Variants in HEMK2 observed in about 807,000 individuals in gnomAD.
HEMK2 encodes HemK methyltransferase 2, ETF1 glutamine and histone H4 lysine, also known as methyltransferase HEMK2.
the HEMK2 span, chr21:28,883,010 T>TA: frequency 6.2e-7 from 1 of 1,606,006 alleles, no homozygotes; most frequent in Non-Finnish European, 8.5e-7. Flanking sequence ...GGGCCTATCA[T>TA]AGAGGCTAGG....
the HEMK2 span, among the ~76,000 whole-genome samples, chr21:28,765,949 A>G: frequency 6.6e-6 from 1 of 152,132 alleles, no homozygotes; most frequent in Non-Finnish European, 1.5e-5. Flanking sequence ...TAATTCACAT[A>G]TACACCATGG....
the HEMK2 span, among the ~76,000 whole-genome samples, chr21:28,763,216 T>C: frequency 6.6e-6 from 1 of 152,140 alleles, no homozygotes. Context: ...TATAAAGAAA[T>C]ACCTGAGGCT....
At chr21:28,666,511 G>A in the HEMK2 span, among the ~76,000 whole-genome samples, 1 of 152,110 alleles carries the variant, frequency 6.6e-6, no homozygotes, top group South Asian at 2.1e-4. Context: ...AATAGACTTA[G>A]CACTTTCAGA....
the HEMK2 span, among the ~76,000 whole-genome samples, chr21:28,864,883 T>G: frequency 2.5e-4 from 35 of 142,314 alleles, no homozygotes; most frequent in African/African-American, 7.0e-4. Flanking sequence ...GATAGGTAGA[T>G]ATAGATGATA....
the HEMK2 span, among the ~76,000 whole-genome samples, chr21:28,879,267 G>T: frequency 6.6e-6 from 1 of 151,726 alleles, no homozygotes; most frequent in African/African-American, 2.4e-5. Flanking sequence ...TTTTGAGACA[G>T]AGTCTCGCAC....
chr21:28,776,546 G>C, the HEMK2 span, among the ~76,000 whole-genome samples: 10 of 152,264 alleles, frequency 6.6e-5, no homozygotes, highest in South Asian at 8.3e-4. Context: ...ATATATGAAG[G>C]GGAGTTTATT....
the HEMK2 span, among the ~76,000 whole-genome samples, chr21:28,667,221 T>C: frequency 6.6e-5 from 10 of 152,206 alleles, no homozygotes; most frequent in East Asian, 1.3e-3. Context: ...CTCATTGTCA[T>C]GAACTCATGG....
the HEMK2 span, among the ~76,000 whole-genome samples, chr21:28,877,604 G>A: frequency 2.0e-5 from 3 of 148,018 alleles, no homozygotes; most frequent in Non-Finnish European, 3.0e-5. Context: ...TGGAGAGAAG[G>A]AAGGAAAAAA....
At chr21:28,883,497 T>C in the HEMK2 span, among the ~76,000 whole-genome samples, 1 of 152,296 alleles carries the variant, frequency 6.6e-6, no homozygotes, top group South Asian at 2.1e-4. Flanking sequence ...CTATCATTTT[T>C]AATACCTAAC....
At chr21:28,787,765 G>A in the HEMK2 span, among the ~76,000 whole-genome samples, 1 of 152,180 alleles carries the variant, frequency 6.6e-6, no homozygotes, top group Non-Finnish European at 1.5e-5. Context: ...TGGTGGGAAT[G>A]CAAACTAGTA....
chr21:28,798,476 C>T, the HEMK2 span, among the ~76,000 whole-genome samples: 1 of 151,904 alleles, frequency 6.6e-6, no homozygotes, highest in Non-Finnish European at 1.5e-5. Flanking sequence ...CTGTGCTAGA[C>T]ACCATGCTAA....
At chr21:28,760,459 T>G in the HEMK2 span, among the ~76,000 whole-genome samples, 1 of 152,180 alleles carries the variant, frequency 6.6e-6, no homozygotes, top group Non-Finnish European at 1.5e-5. Context: ...TGTTAAAAAT[T>G]TAATTGCACA....
chr21:28,837,487 T>C, the HEMK2 span, among the ~76,000 whole-genome samples: 2 of 152,158 alleles, frequency 1.3e-5, no homozygotes, highest in East Asian at 1.9e-4. Flanking sequence ...TAAAAATTCT[T>C]TGAACTGAAT....
At chr21:28,613,144 C>A in the HEMK2 span, among the ~76,000 whole-genome samples, 1 of 151,378 alleles carries the variant, frequency 6.6e-6, no homozygotes, top group Non-Finnish European at 1.5e-5. Context: ...AGATAGATAC[C>A]TAAATATATA....
the HEMK2 span, among the ~76,000 whole-genome samples, chr21:28,695,944 G>A: frequency 6.6e-6 from 1 of 151,938 alleles, no homozygotes; most frequent in Admixed American, 6.6e-5. Context: ...TCACACTGCT[G>A]ATAAAGACAT....
the HEMK2 span, among the ~76,000 whole-genome samples, chr21:28,838,972 A>AAAAAAAAATAT: frequency 5.5e-4 from 16 of 29,122 alleles, no homozygotes; most frequent in Non-Finnish European, 7.9e-4. Context: ...AAAAAAAAAA[A>AAAAAAAAATAT]ATATATATAT....
chr21:28,622,707 C>T, the HEMK2 span, among the ~76,000 whole-genome samples: 1 of 152,038 alleles, frequency 6.6e-6, no homozygotes, highest in African/African-American at 2.4e-5. Flanking sequence ...CTTTGACAAA[C>T]CTGACAAAAA....
the HEMK2 span, chr21:28,885,190 A>T: frequency 6.5e-7 from 1 of 1,538,486 alleles, no homozygotes; most frequent in Non-Finnish European, 8.8e-7. Flanking sequence ...CTTTCCCGTC[A>T]GAGCCCCTCC....
chr21:28,625,716 T>TA, the HEMK2 span, among the ~76,000 whole-genome samples: 4 of 151,736 alleles, frequency 2.6e-5, no homozygotes, highest in East Asian at 3.9e-4. Flanking sequence ...AGACTCCCTC[T>TA]AAAAAAACAT....
Sources: allele counts gnomAD v4.1 joint callset (sites outside exome capture counted in the v4.1 genomes callset), GRCh38; gene constraint gnomAD v4.1.1; transcripts MANE v1.5; gene names NCBI Gene and HGNC (gene_info 2026-07-23, HGNC 2026-07-21).